The following SEZ6L variants were observed in gnomAD, a reference collection of about 807,000 sequenced individuals.
SEZ6L encodes the protein seizure related 6 homolog like, also known as seizure 6-like protein.
SEZ6L carries 37 observed loss-of-function variants against 106.2 expected under a neutral mutation model. The ratio of observed to expected loss-of-function variants is 0.35; its 90% CI spans 0.27 to 0.46. The LOEUF is 0.46. SEZ6L is among the 20% of genes least tolerant of loss of function. The pLI, the probability that SEZ6L is intolerant of heterozygous loss-of-function variation, is 1.00. For missense variants in SEZ6L, 1,172 were observed against 1,332.8 expected (o/e 0.88, Z 1.88); for synonymous variants, 541 against 570.4 (o/e 0.95, Z 0.73).
In SEZ6L at chr22:26,170,446, C is replaced by T. The variant is rs549616261; in HGVS notation, c.94+683C>T. ...AACGGGCTCCCCTCTACTCTCTCCC[C>T]TACTGCCTAGCATCTCTGATCACTG... On this transcript the variant is annotated intron_variant, in intron 1 of 16. Coordinates refer to ENST00000248933, the MANE Select transcript of SEZ6L (RefSeq NM_021115.5). Among the ~76,000 whole-genome samples, 24 of 152,104 alleles carry T rather than the reference C, an allele frequency of 1.6e-4. No homozygotes were observed. In the South Asian group the frequency reaches 4.8e-3, roughly 30 times the overall value.
At chr22:26,361,766 T>C (rs1054596568) in intron 12 of SEZ6L, among the ~76,000 whole-genome samples, 3 of 152,122 alleles carry the variant, frequency 2.0e-5, no homozygotes, top group African/African-American at 7.2e-5. Context: ...ATGTGCATCC[T>C]GAGCCCTTGG....
chr22:26,310,076 T>C (rs1400551903), intron 6 of SEZ6L, among the ~76,000 whole-genome samples: 1 of 152,262 alleles, frequency 6.6e-6, no homozygotes, highest in Non-Finnish European at 1.5e-5. Context: ...TTAATAATAA[T>C]AGTCAACATC....
chr22:26,330,681 C>T (rs971783327), intron 9 of SEZ6L, among the ~76,000 whole-genome samples: 1 of 152,122 alleles, frequency 6.6e-6, no homozygotes, highest in Non-Finnish European at 1.5e-5. Context: ...AGTCTGTGGG[C>T]TAATTTTTGC....
At chr22:26,345,118 T>C (rs554870624) in intron 10 of SEZ6L, among the ~76,000 whole-genome samples, 8 of 152,192 alleles carry the variant, frequency 5.3e-5, no homozygotes, top group Non-Finnish European at 1.2e-4. Flanking sequence ...TTTCTAATTA[T>C]TAGCAAAGTT....
At chr22:26,309,587 T>TC in intron 6 of SEZ6L, among the ~76,000 whole-genome samples, 1 of 143,010 alleles carries the variant, frequency 7.0e-6, no homozygotes, top group East Asian at 1.9e-4. Flanking sequence ...CTGTTAACTA[T>TC]TTTTTTTTTA....
At position 26,375,639 on chromosome 22, in the gene SEZ6L, G is replaced by C; in HGVS notation, c.2892G>C (p.Pro964=). The C allele has an allele frequency of 6.2e-7, 1 of 1,614,082 alleles. No individual in the cohort carries two copies. The highest frequency in any genetic ancestry group is 8.5e-7 in the Non-Finnish European group (1 of 1,180,008). Residue 964 remains proline (P), a synonymous_variant, in exon 15 of 17, where the codon CCG becomes CCC. Transcript: ENST00000248933. ...ACATGGCCCTGGCTATCTTCATCCC[G>C]GTCCTCATCATCTCCTTACTGCTGG... The part of the protein sequence containing the change: ...GGNMALAIFI[P]VLIISLLLGG...
chr22:26,293,119 A>G lies in SEZ6L; in HGVS notation c.808A>G (p.Thr270Ala), dbSNP rs1286924679. ...CACTACCTCCACCATTATCACCACC[A>G]CGGTCATCACCACCGAGCAGGCACC... ...ETTTSTIITT[T>A]VITTEQAPAL... The change falls in exon 2 of 17, where the codon ACG becomes GCG. Residue 270 changes from threonine to alanine, a missense_variant. Physicochemically the swap from Thr to Ala is moderately conservative, Grantham distance 58. This residue lies in a region of SEZ6L where 494 missense variants were observed against 445.8 expected (regional missense o/e 1.11). Transcript: ENST00000248933. The G allele has an allele frequency of 1.9e-6, 3 of 1,578,560 alleles. No individual in the cohort carries two copies. Among genetic ancestry groups the G allele is most frequent in the Non-Finnish European group, 1.7e-6 (2 of 1,169,282 alleles).
At chr22:26,288,152 G>A (rs920887958) in intron 1 of SEZ6L, among the ~76,000 whole-genome samples, 2 of 152,182 alleles carry the variant, frequency 1.3e-5, no homozygotes, top group African/African-American at 4.8e-5. Context: ...ACAAGCCTTG[G>A]AAAGAGTCAA....
At chr22:26,210,171 C>T (rs2078116538) in intron 1 of SEZ6L, among the ~76,000 whole-genome samples, 1 of 152,190 alleles carries the variant, frequency 6.6e-6, no homozygotes, top group Non-Finnish European at 1.5e-5. Flanking sequence ...ATGGCCCTCC[C>T]CCTGCCCTTC....
chr22:26,345,568 A>T (rs1393412747), intron 10 of SEZ6L, among the ~76,000 whole-genome samples: 1 of 152,166 alleles, frequency 6.6e-6, no homozygotes, highest in African/African-American at 2.4e-5. Flanking sequence ...AGGCCTAAAA[A>T]TAGAGGCTCC....
At chr22:26,365,251 G>A in intron 12 of SEZ6L, 121 bp from the exon 13 acceptor site, 1 of 744,756 alleles carries the variant, frequency 1.3e-6, no homozygotes, top group Non-Finnish European at 2.2e-6. Context: ...TCTGATGCAA[G>A]GTGGGGATGC....
At chr22:26,301,821 C>A (rs1342661805) in intron 5 of SEZ6L, among the ~76,000 whole-genome samples, 2 of 152,072 alleles carry the variant, frequency 1.3e-5, no homozygotes, top group African/African-American at 4.8e-5. Flanking sequence ...TTTGAGAAAG[C>A]AAATAAATAA....
At chr22:26,262,156 AT>A (rs1341974180) in intron 1 of SEZ6L, among the ~76,000 whole-genome samples, 1 of 149,882 alleles carries the variant, frequency 6.7e-6, no homozygotes, top group Non-Finnish European at 1.5e-5. Flanking sequence ...ATATATATAT[AT>A]ATTTAATATA....
chr22:26,369,719 C>T (rs1185016186), intron 13 of SEZ6L, among the ~76,000 whole-genome samples: 1 of 152,032 alleles, frequency 6.6e-6, no homozygotes, highest in African/African-American at 2.4e-5. Context: ...GCATTCAAGA[C>T]AGCTGCCTTC....
intron 9 of SEZ6L, among the ~76,000 whole-genome samples, chr22:26,317,994 G>C (rs1338477941): frequency 6.6e-6 from 1 of 151,902 alleles, no homozygotes; most frequent in East Asian, 1.9e-4. Context: ...TATATGGAGG[G>C]GAGGGGTCTG....
chr22:26,280,092 C>T (rs550706433), intron 1 of SEZ6L, among the ~76,000 whole-genome samples: 3 of 152,304 alleles, frequency 2.0e-5, no homozygotes, highest in African/African-American at 7.2e-5. Flanking sequence ...AAGCCCATTA[C>T]CTGGTTCAAA....
At chr22:26,243,598 T>A (rs554602757) in intron 1 of SEZ6L, among the ~76,000 whole-genome samples, 2 of 152,294 alleles carry the variant, frequency 1.3e-5, no homozygotes, top group African/African-American at 4.8e-5. Flanking sequence ...AGACTGAGGG[T>A]GTCTTAAAGA....
At chr22:26,182,142 T>G (rs1233450297) in intron 1 of SEZ6L, among the ~76,000 whole-genome samples, 1 of 152,206 alleles carries the variant, frequency 6.6e-6, no homozygotes, top group African/African-American at 2.4e-5. Flanking sequence ...TGCAGACATG[T>G]CGAATGAATA....
intron 7 of SEZ6L, 78 bp from the exon 8 acceptor site, chr22:26,311,690 G>A (rs2081836641): frequency 7.9e-7 from 1 of 1,258,776 alleles, no homozygotes; most frequent in South Asian, 1.3e-5. Flanking sequence ...ACAGCACAGG[G>A]GACCCATCTT....
Sources: gnomAD v4.1 joint callset for allele counts (sites outside exome capture counted in the v4.1 genomes callset) on GRCh38, gnomAD v4.1.1 for gene constraint, gnomAD v4.1.1 regional missense constraint, MANE v1.5 for transcripts, NCBI Gene and HGNC (gene_info 2026-07-23, HGNC 2026-07-21) for gene names.